ZNF654: variants seen among roughly 807,000 people sequenced by gnomAD.
ZNF654 encodes the protein melanoma-associated antigen.
Under a neutral mutation model 95.3 loss-of-function variants are expected in ZNF654, and 19 were observed. The ratio of observed to expected loss-of-function variants is 0.20; its 90% CI spans 0.14 to 0.29. ZNF654 has a LOEUF of 0.29. ZNF654 is among the 10% of genes least tolerant of loss of function. The probability of loss-of-function intolerance (pLI) is 1.00; values close to 1 mark genes in which losing one functional copy is unlikely to be tolerated. For missense variants in ZNF654, 1,046 were observed against 1,341.0 expected, an observed-to-expected ratio of 0.78 and a Z score of 3.44; for synonymous variants, 413 against 457.9, an observed-to-expected ratio of 0.90 and a Z score of 1.25.
At chr3:88,110,396 A>G (rs1353239810) in intron 2 of ZNF654, among the ~76,000 whole-genome samples, 2 of 152,156 alleles carry the variant, frequency 1.3e-5, no homozygotes, top group East Asian at 3.8e-4. Context: ...TCAATATGTA[A>G]ATAAATGCAT....
intron 2 of ZNF654, among the ~76,000 whole-genome samples, chr3:88,093,780 T>G (rs1703885966): frequency 6.6e-6 from 1 of 152,212 alleles, no homozygotes; most frequent in Non-Finnish European, 1.5e-5. Context: ...ATAATTTAAG[T>G]CTAGGCTTTC....
chr3:88,065,135 A>G (rs1707120838), intron 1 of ZNF654, among the ~76,000 whole-genome samples: 2 of 152,204 alleles, frequency 1.3e-5, no homozygotes, highest in African/African-American at 4.8e-5. Flanking sequence ...AAGTTTTCAA[A>G]TTTTGGCACA....
intron 2 of ZNF654, among the ~76,000 whole-genome samples, chr3:88,091,946 A>T (rs1047289866): frequency 5.3e-5 from 8 of 152,212 alleles, no homozygotes; most frequent in African/African-American, 1.9e-4. Context: ...GGACTAAAAC[A>T]CTAGCTTTTC....
chr3:88,089,816 A>G (rs573140335), intron 2 of ZNF654, among the ~76,000 whole-genome samples: 4 of 152,302 alleles, frequency 2.6e-5, no homozygotes, highest in East Asian at 1.9e-4. Context: ...TGAGAATGTC[A>G]TAAGATTTTG....
chr3:88,096,911 T>G (rs752209392), intron 2 of ZNF654, among the ~76,000 whole-genome samples: 3 of 152,180 alleles, frequency 2.0e-5, no homozygotes, highest in Non-Finnish European at 4.4e-5. Flanking sequence ...CCTCATATTA[T>G]CATTTTAGAC....
At chr3:88,086,932 G>A (rs1164198506) in intron 2 of ZNF654, among the ~76,000 whole-genome samples, 14 of 151,924 alleles carry the variant, frequency 9.2e-5, no homozygotes, top group Admixed American at 2.0e-4. Flanking sequence ...ACAGGCGCCC[G>A]CCACCACGCC....
chr3:88,136,930 T>A (rs1387583742), intron 7 of ZNF654, among the ~76,000 whole-genome samples: 1 of 152,056 alleles, frequency 6.6e-6, no homozygotes, highest in East Asian at 1.9e-4. Flanking sequence ...CGCGATGGCT[T>A]ACACCAGTAA....
chr3:88,140,524 A>G lies in ZNF654; in HGVS notation c.2855A>G (p.Asn952Ser), dbSNP rs1176437052. Residue 952 changes from asparagine to serine, a missense_variant, in exon 8 of 9, where the codon AAT becomes AGT. By Grantham distance (46) the Asn-to-Ser change is conservative. Coordinates refer to ENST00000636215, the MANE Select transcript of ZNF654 (RefSeq NM_001350134.2). ...GAACGTTCTGATGACACTGTTTCAAATATAAGCTTGATAGACCAAAAGATG... is the reference window on the plus strand; with the variant it reads ...GAACGTTCTGATGACACTGTTTCAAGTATAAGCTTGATAGACCAAAAGATG... Reference protein sequence around the residue: ...GNERSDDTVSNISLIDQKMPD... With the variant: ...GNERSDDTVSSISLIDQKMPD... The G allele has an allele frequency of 2.0e-5, 33 of 1,613,658 alleles. No homozygotes were observed. Among genetic ancestry groups the G allele is most frequent in the Non-Finnish European group, 2.2e-5 (26 of 1,179,756 alleles).
At chr3:88,134,154 T>C (rs1706628775) in intron 6 of ZNF654, among the ~76,000 whole-genome samples, 1 of 151,634 alleles carries the variant, frequency 6.6e-6, no homozygotes, top group South Asian at 2.1e-4. Context: ...AAATAGCTAG[T>C]ATGAAATGGA....
intron 1 of ZNF654, among the ~76,000 whole-genome samples, chr3:88,061,697 G>A (rs1301331260): frequency 1.3e-5 from 2 of 152,032 alleles, no homozygotes; most frequent in Admixed American, 6.6e-5. Flanking sequence ...TGCTTCATTC[G>A]TCAGTAAGGG....
At chr3:88,141,166 C>T (rs1576360174) in intron 8 of ZNF654, 118 bp downstream of exon 8, 2 of 1,139,154 alleles carry the variant, frequency 1.8e-6, no homozygotes, top group Non-Finnish European at 2.4e-6. Context: ...GGTAGTGAAG[C>T]ATTACTCCAT....
Position 88,068,908 on chromosome 3 carries a change from A to G in ZNF654, c.186+9403A>G, listed in dbSNP as rs1363329125. 8.5e-5 allele frequency among the ~76,000 whole-genome samples: 13 copies of G among 152,220 alleles called. No individual in the cohort carries two copies. The South Asian group carries it at 2.3e-3, about 27-fold the overall frequency. On this transcript the variant is annotated intron_variant, in intron 1 of 8. Coordinates refer to ENST00000636215, the MANE Select transcript of ZNF654 (RefSeq NM_001350134.2). ...CACTTAGCCTCTGCAGTGCAATACAATACATTGTATTGTATCTAGGAATAA... is the reference window on the plus strand; with the variant it reads ...CACTTAGCCTCTGCAGTGCAATACAGTACATTGTATTGTATCTAGGAATAA...
intron 1 of ZNF654, among the ~76,000 whole-genome samples, chr3:88,072,993 A>G (rs1241251379): frequency 3.3e-5 from 5 of 152,214 alleles, no homozygotes; most frequent in Non-Finnish European, 7.4e-5. Context: ...AAATGTAGGC[A>G]TGAAGAAAGG....
chr3:88,068,341 T>G (rs1576192512), intron 1 of ZNF654, among the ~76,000 whole-genome samples: 1 of 152,086 alleles, frequency 6.6e-6, no homozygotes, highest in East Asian at 1.9e-4. Flanking sequence ...GGGCTCCACT[T>G]GTGGCAAAAC....
chr3:88,093,063 G>A (rs1164806629), intron 2 of ZNF654, among the ~76,000 whole-genome samples: 1 of 152,140 alleles, frequency 6.6e-6, no homozygotes, highest in Non-Finnish European at 1.5e-5. Flanking sequence ...CTTATAAGAT[G>A]TATTTTCTGA....
intron 1 of ZNF654, among the ~76,000 whole-genome samples, chr3:88,069,320 G>T (rs1441703028): frequency 6.6e-6 from 1 of 152,172 alleles, no homozygotes; most frequent in East Asian, 1.9e-4. Context: ...TACTTGGGAG[G>T]CTGAGGCAGG....
At chr3:88,062,348 A>G (rs1278505878) in intron 1 of ZNF654, among the ~76,000 whole-genome samples, 1 of 152,208 alleles carries the variant, frequency 6.6e-6, no homozygotes, top group Non-Finnish European at 1.5e-5. Flanking sequence ...TTCTGCTGAA[A>G]AGCAGTAAGT....
Position 88,059,430 on chromosome 3 carries a change from A to AGGCGGCGCTGGCAGC in ZNF654, c.115_129dup (p.Gly39_Gly43dup), listed in dbSNP as rs1310579712. On this transcript the variant is annotated inframe_insertion, in exon 1 of 9. Coordinates refer to ENST00000636215, the MANE Select transcript of ZNF654 (RefSeq NM_001350134.2). ...GGCTTAGAGCTGCGGGCGACGGCAGAGGCGGCGCTGGCAGCGGCAACTGCG... is the reference window on the plus strand; with the variant it reads ...GGCTTAGAGCTGCGGGCGACGGCAGAGGCGGCGCTGGCAGCGGCGGCGCTGGCAGCGGCAACTGCG... The AGGCGGCGCTGGCAGC allele has an allele frequency of 2.0e-6, 3 of 1,522,504 alleles. No homozygotes were observed. The highest frequency in any genetic ancestry group is 1.8e-6 in the Non-Finnish European group (2 of 1,142,244). The allele number at this position is 1,522,504 out of a possible 1,614,324, so 94.3% of individuals were successfully genotyped here. A position where few individuals can be genotyped will look rare whatever the true frequency, so the allele number is the denominator to read the frequency against.
chr3:88,078,679 C>T (rs1232929330), intron 1 of ZNF654, among the ~76,000 whole-genome samples: 1 of 151,958 alleles, frequency 6.6e-6, no homozygotes, highest in Non-Finnish European at 1.5e-5. Context: ...ATTTTTGTTT[C>T]TACTTTAAAA....
Sources: allele counts gnomAD v4.1 joint callset (sites outside exome capture counted in the v4.1 genomes callset), GRCh38; gene constraint gnomAD v4.1.1; transcripts MANE v1.5; gene names NCBI Gene and HGNC (gene_info 2026-07-23, HGNC 2026-07-21).